LMO7: variants seen among roughly 807,000 people sequenced by gnomAD.
LMO7 encodes LIM domain 7.
LMO7 carries 120 observed loss-of-function variants against 206.5 expected under a neutral mutation model. The ratio of observed to expected loss-of-function variants is 0.58; its 90% confidence interval spans 0.50 to 0.68. The LOEUF (loss-of-function observed/expected upper bound fraction) is 0.68. Ranked by LOEUF, LMO7 falls within the 30% of genes least tolerant of loss-of-function variation. LMO7 has a pLI of 0.00. For synonymous variants in LMO7, 706 were observed against 681.5 expected, an observed-to-expected ratio of 1.04 and a Z score of -0.56; for missense variants, 1,959 against 1,957.9, an observed-to-expected ratio of 1.00 and a Z score of -0.01.
At chr13:75,787,545 A>C (rs1363431008) in intron 4 of LMO7, among the ~76,000 whole-genome samples, 1 of 152,248 alleles carries the variant, frequency 6.6e-6, no homozygotes, top group African/African-American at 2.4e-5. Flanking sequence ...TGGAATAAGC[A>C]TTATGTTGCT....
chr13:75,721,457 C>A lies in LMO7; in HGVS notation c.141-5572C>A, dbSNP rs151145920. Among the ~76,000 whole-genome samples, 412 of 152,254 alleles carry A rather than the reference C, an allele frequency of 2.7e-3. 3 individuals are homozygous for A. The highest frequency in any genetic ancestry group is 9.7e-3 in the African/African-American group (404 of 41,532). ...CTGATTGCTCTGCTGCTGATCCCAG[C>A]ACATTGCCATATTTAGTACACATTA... On this transcript the variant is annotated intron_variant, in intron 2 of 30. Coordinates refer to ENST00000377534, the MANE Select transcript of LMO7 (RefSeq NM_001306080.2).
chr13:75,752,200 T>G (rs1156412006), intron 3 of LMO7, among the ~76,000 whole-genome samples: 1 of 152,044 alleles, frequency 6.6e-6, no homozygotes, highest in East Asian at 1.9e-4. Context: ...GGCGTGATCT[T>G]GGCTCACTGC....
intron 1 of LMO7, among the ~76,000 whole-genome samples, chr13:75,657,072 C>T (rs1451498254): frequency 6.6e-6 from 1 of 152,118 alleles, no homozygotes; most frequent in Non-Finnish European, 1.5e-5. Flanking sequence ...CAGAGGCAGA[C>T]ATGCACAGAG....
At chr13:75,625,651 G>C (rs752493145) in intron 2 of LMO7, among the ~76,000 whole-genome samples, 1 of 152,148 alleles carries the variant, frequency 6.6e-6, no homozygotes, top group African/African-American at 2.4e-5. Context: ...TGGCTTCACT[G>C]GTCTATTTCT....
At chr13:75,630,119 T>C (rs1195802003) in intron 2 of LMO7, among the ~76,000 whole-genome samples, 1 of 152,254 alleles carries the variant, frequency 6.6e-6, no homozygotes, top group Non-Finnish European at 1.5e-5. Flanking sequence ...TATTACCTAA[T>C]ACAATGTAAA....
At chr13:75,665,454 T>C (rs2038993567) in intron 1 of LMO7, among the ~76,000 whole-genome samples, 1 of 152,188 alleles carries the variant, frequency 6.6e-6, no homozygotes, top group Admixed American at 6.5e-5. Flanking sequence ...TTGTAAATTA[T>C]TGAAGTTTTA....
chr13:75,643,347 A>G (rs563834944), intron 1 of LMO7, among the ~76,000 whole-genome samples: 14 of 152,284 alleles, frequency 9.2e-5, no homozygotes, highest in African/African-American at 2.9e-4. Context: ...TATTTGCCCA[A>G]TCCTTTTAGT....
chr13:75,790,978 T>C (rs1362495066), intron 4 of LMO7, among the ~76,000 whole-genome samples: 2 of 138,872 alleles, frequency 1.4e-5, no homozygotes, highest in Non-Finnish European at 3.1e-5. Context: ...ATTTCATATC[T>C]ACCCCTTTTT....
intron 3 of LMO7, among the ~76,000 whole-genome samples, chr13:75,749,978 A>T (rs1489048474): frequency 6.6e-6 from 1 of 152,064 alleles, no homozygotes; most frequent in East Asian, 1.9e-4. Flanking sequence ...TGTAGGTGTT[A>T]CTTGGCAGAA....
At chr13:75,747,976 G>A (rs2046985011) in intron 3 of LMO7, among the ~76,000 whole-genome samples, 1 of 152,200 alleles carries the variant, frequency 6.6e-6, no homozygotes, top group Admixed American at 6.5e-5. Context: ...TGGGCACCTT[G>A]AGTTGCATCT....
chr13:75,675,225 C>T (rs1396830291), intron 1 of LMO7, among the ~76,000 whole-genome samples: 3 of 152,010 alleles, frequency 2.0e-5, no homozygotes, highest in Non-Finnish European at 2.9e-5. Context: ...AGGCGCCTGC[C>T]ACCATGCCTG....
intron 2 of LMO7, chr13:75,628,582 G>C (rs1282789654): frequency 6.6e-6 from 1 of 152,098 alleles, no homozygotes; most frequent in Admixed American, 6.5e-5. Context: ...GTCCTTCTTT[G>C]TGTTAACTAA....
intron 1 of LMO7, among the ~76,000 whole-genome samples, chr13:75,685,429 A>G (rs1008342700): frequency 3.9e-5 from 6 of 152,222 alleles, no homozygotes; most frequent in Non-Finnish European, 2.9e-5. Context: ...TTCCAAAAGA[A>G]TGCCAAAGAG....
Position 75,853,123 on chromosome 13 carries a change from C to A in LMO7, c.4396C>A (p.Arg1466=), listed in dbSNP as rs777805981. Residue 1466 remains arginine (R), a synonymous_variant, in exon 28 of 31, where the codon CGA becomes AGA. Transcript: ENST00000377534. Reference sequence around the variant, plus strand: ...ATCTTTAGATAACCTGGACTCCCCCCGATCCAATTCTTGGAGACAGCCTCC... The same window carrying A: ...ATCTTTAGATAACCTGGACTCCCCCAGATCCAATTCTTGGAGACAGCCTCC... The part of the protein sequence containing the change: ...GESLDNLDSP[R]SNSWRQPPWL... 41 of 1,612,240 alleles carry A rather than the reference C, an allele frequency of 2.5e-5. No individual in the cohort carries two copies. The East Asian group carries it at 8.9e-4, about 35-fold the overall frequency.
intron 25 of LMO7, among the ~76,000 whole-genome samples, chr13:75,844,494 C>T (rs774989742): frequency 1.3e-5 from 2 of 151,712 alleles, no homozygotes; most frequent in Non-Finnish European, 2.9e-5. Context: ...ACTGCAACCT[C>T]CACCTCCTGG....
At chr13:75,738,300 T>C (rs1028569439) in intron 3 of LMO7, among the ~76,000 whole-genome samples, 1 of 152,252 alleles carries the variant, frequency 6.6e-6, no homozygotes, top group Non-Finnish European at 1.5e-5. Flanking sequence ...CATGTGTATT[T>C]AGCTTCGGTG....
intron 17 of LMO7, among the ~76,000 whole-genome samples, chr13:75,834,814 C>T (rs2058986708): frequency 6.6e-6 from 1 of 152,108 alleles, no homozygotes; most frequent in Non-Finnish European, 1.5e-5. Context: ...ATGTGCATTC[C>T]ATTAATGTGT....
chr13:75,748,795 TTTTC>T (rs111332093), intron 3 of LMO7, among the ~76,000 whole-genome samples: 178 of 150,090 alleles, frequency 1.2e-3, no homozygotes, highest in East Asian at 0.011. Context: ...AGACTGTCTT[TTTTC>T]TTTCTTTCTT....
At position 75,834,022 on chromosome 13, in the gene LMO7, A is replaced by G. The variant is rs572975961; in HGVS notation, c.3065-204A>G. Reference sequence around the variant, plus strand: ...ATCATTTTTCCTTTAATGAAGATGCATTCTATAGAACTTCAAAAAACACCT... The same window carrying G: ...ATCATTTTTCCTTTAATGAAGATGCGTTCTATAGAACTTCAAAAAACACCT... On this transcript the variant is annotated intron_variant, in intron 16 of 30. Coordinates refer to ENST00000377534, the MANE Select transcript of LMO7 (RefSeq NM_001306080.2). Among the ~76,000 whole-genome samples, 395 of 152,230 alleles carry G rather than the reference A, an allele frequency of 2.6e-3. 3 individuals are homozygous for G. The highest frequency in any genetic ancestry group is 9.1e-3 in the African/African-American group (380 of 41,558).
Sources: gnomAD v4.1 joint callset for allele counts (sites outside exome capture counted in the v4.1 genomes callset) on GRCh38, gnomAD v4.1.1 for gene constraint, MANE v1.5 for transcripts, NCBI Gene and HGNC (gene_info 2026-07-23, HGNC 2026-07-21) for gene names.